Variants in SPAG16 observed in about 807,000 individuals in gnomAD.
SPAG16 encodes sperm-associated antigen 16 protein.
In SPAG16, 86 loss-of-function variants were observed where a neutral mutation model predicts 80.4. The ratio of observed to expected loss-of-function variants is 1.07; its 90% CI spans 0.90 to 1.28. The LOEUF (loss-of-function observed/expected upper bound fraction) is 1.28, where lower values mean the gene tolerates loss of function less well. SPAG16 is among the 50% of genes most tolerant of loss of function. SPAG16 has a pLI of 0.00. For synonymous variants in SPAG16, 294 were observed against 265.9 expected, an observed-to-expected ratio of 1.11 and a Z score of -1.03; for missense variants, 870 against 765.3, an observed-to-expected ratio of 1.14 and a Z score of -1.61.
intron 15 of SPAG16, among the ~76,000 whole-genome samples, chr2:214,161,218 T>A (rs1052905813): frequency 3.3e-5 from 5 of 152,176 alleles, no homozygotes; most frequent in African/African-American, 9.6e-5. Flanking sequence ...GGCAATTAGA[T>A]TGATTTCATG....
intron 12 of SPAG16, among the ~76,000 whole-genome samples, chr2:213,957,409 T>A (rs2044201738): frequency 6.6e-6 from 1 of 152,162 alleles, no homozygotes; most frequent in African/African-American, 2.4e-5. Flanking sequence ...TAATGTATAT[T>A]TTGTCTGCTG....
chr2:214,257,914 C>T (rs1351011427), intron 15 of SPAG16, among the ~76,000 whole-genome samples: 2 of 152,006 alleles, frequency 1.3e-5, no homozygotes, highest in African/African-American at 4.8e-5. Flanking sequence ...GTAGCCTTCA[C>T]TACTGAAACC....
Position 214,403,531 on chromosome 2 carries a change from A to T in SPAG16, c.1721-6609A>T, listed in dbSNP as rs984662670. On this transcript the variant is annotated intron_variant, in intron 15 of 15. Transcript: ENST00000331683. ...CATTTTACAATTACAGCACATTCCA[A>T]TTTGTACTAACCACATTTCACATGC... Among the ~76,000 whole-genome samples, 47 of 152,178 alleles carry T rather than the reference A, an allele frequency of 3.1e-4. 1 individual carries two copies. Among genetic ancestry groups the T allele is most frequent in the African/African-American group, 1.1e-3 (45 of 41,512 alleles).
At chr2:213,901,584 C>T (rs1012343706) in intron 11 of SPAG16, among the ~76,000 whole-genome samples, 3 of 151,920 alleles carry the variant, frequency 2.0e-5, no homozygotes, top group African/African-American at 7.3e-5. Context: ...GAATGTACTG[C>T]CTTCTAATTC....
chr2:213,875,174 T>A lies in SPAG16; in HGVS notation c.1214+12546T>A, dbSNP rs190297994. Among the ~76,000 whole-genome samples, 327 of 151,936 alleles carry A rather than the reference T, an allele frequency of 2.2e-3. 2 individuals carry two copies. The highest frequency in any genetic ancestry group is 7.8e-3 in the African/African-American group (322 of 41,452). On this transcript the variant is annotated intron_variant, in intron 11 of 15. Coordinates refer to ENST00000331683, the MANE Select transcript of SPAG16 (RefSeq NM_024532.5). ...CGCTGGTCTCAAACTCCTGGCCTCA[T>A]GGGATCCTCCCACTTTGAATCACCC...
chr2:213,355,562 C>T (rs151283897), intron 7 of SPAG16, among the ~76,000 whole-genome samples: 2,514 of 152,222 alleles, frequency 0.017, 67 homozygotes, highest in African/African-American at 0.05. Context: ...TTTAGTTCTC[C>T]TTGAAGACGT....
chr2:213,909,814 T>G (rs1038784616), intron 11 of SPAG16, among the ~76,000 whole-genome samples: 1 of 152,214 alleles, frequency 6.6e-6, no homozygotes, highest in African/African-American at 2.4e-5. Context: ...TGCCCTCACT[T>G]TCTACCCTCA....
intron 10 of SPAG16, among the ~76,000 whole-genome samples, chr2:213,653,458 T>C (rs1271371478): frequency 6.6e-6 from 1 of 152,176 alleles, no homozygotes; most frequent in Non-Finnish European, 1.5e-5. Context: ...TATATACAGA[T>C]AGTAAATACC....
intron 5 of SPAG16, among the ~76,000 whole-genome samples, chr2:213,336,512 C>T (rs2064366714): frequency 6.6e-6 from 1 of 152,216 alleles, no homozygotes; most frequent in Admixed American, 6.5e-5. Context: ...GGGTTGGCCA[C>T]CATCACTGCG....
intron 6 of SPAG16, among the ~76,000 whole-genome samples, chr2:213,347,580 G>A (rs1217465719): frequency 5.9e-5 from 9 of 152,142 alleles, no homozygotes. Flanking sequence ...ATTCTGGTAT[G>A]TTGTATCTTT....
chr2:213,944,783 G>A (rs2079366565), intron 12 of SPAG16, among the ~76,000 whole-genome samples: 1 of 152,130 alleles, frequency 6.6e-6, no homozygotes, highest in Non-Finnish European at 1.5e-5. Context: ...GCCATTGGGA[G>A]GCAATTTGGT....
chr2:214,308,874 T>C, intron 15 of SPAG16, among the ~76,000 whole-genome samples: 1 of 152,152 alleles, frequency 6.6e-6, no homozygotes, highest in Non-Finnish European at 1.5e-5. Flanking sequence ...TTGGGGATGA[T>C]CTTCTTGTGG....
chr2:213,963,333 A>T (rs1028275841), intron 12 of SPAG16, among the ~76,000 whole-genome samples: 2 of 152,066 alleles, frequency 1.3e-5, no homozygotes, highest in African/African-American at 2.4e-5. Context: ...TATATTTTTT[A>T]AAATTTCTCA....
At chr2:214,028,923 A>G (rs1468967398) in intron 13 of SPAG16, among the ~76,000 whole-genome samples, 1 of 152,086 alleles carries the variant, frequency 6.6e-6, no homozygotes, top group African/African-American at 2.4e-5. Flanking sequence ...TGTAGCAGGG[A>G]CTATTCTATG....
At chr2:214,136,041 A>G (rs1052606991) in intron 14 of SPAG16, among the ~76,000 whole-genome samples, 1 of 152,098 alleles carries the variant, frequency 6.6e-6, no homozygotes, top group South Asian at 2.1e-4. Flanking sequence ...TGACAGGTAG[A>G]GAAGGGGAGT....
chr2:213,721,242 G>T (rs2066521097), intron 10 of SPAG16, among the ~76,000 whole-genome samples: 1 of 151,988 alleles, frequency 6.6e-6, no homozygotes, highest in Non-Finnish European at 1.5e-5. Context: ...GGGATTAAAG[G>T]CACCTGCCAA....
At chr2:214,234,070 T>C (rs186892780) in intron 15 of SPAG16, among the ~76,000 whole-genome samples, 266 of 121,766 alleles carry the variant, frequency 2.2e-3, no homozygotes, top group African/African-American at 6.2e-3. Context: ...CAGTATGTGT[T>C]GTTTCCCCCC....
intron 9 of SPAG16, among the ~76,000 whole-genome samples, chr2:213,390,649 G>A (rs1345623613): frequency 6.6e-6 from 1 of 152,122 alleles, no homozygotes; most frequent in African/African-American, 2.4e-5. Flanking sequence ...AAAGCCTACA[G>A]TAAAATTATT....
intron 11 of SPAG16, among the ~76,000 whole-genome samples, chr2:213,913,189 T>A (rs2077756922): frequency 6.6e-6 from 1 of 152,182 alleles, no homozygotes; most frequent in African/African-American, 2.4e-5. Flanking sequence ...CTACATTTTA[T>A]CCACATTGTT....
Sources: gnomAD v4.1 joint callset for allele counts (sites outside exome capture counted in the v4.1 genomes callset) on GRCh38, gnomAD v4.1.1 for gene constraint, MANE v1.5 for transcripts, NCBI Gene and HGNC (gene_info 2026-07-23, HGNC 2026-07-21) for gene names.